The following RGS6 variants were observed in gnomAD, a reference collection of about 807,000 sequenced individuals.
RGS6 encodes regulator of G-protein signaling 6.
In RGS6, 30 loss-of-function variants were observed where a neutral mutation model predicts 78.5. That is an observed-to-expected ratio of 0.38 (90% CI 0.29 to 0.52). RGS6 has a LOEUF of 0.52. RGS6 is among the 20% of genes least tolerant of loss of function. RGS6 has a pLI of 0.85. For missense variants in RGS6, 495 were observed against 609.7 expected (o/e 0.81, Z 1.98); for synonymous variants, 206 against 206.0 (o/e 1.00, Z 0.00).
chr14:72,625,412 C>T, the RGS6 span, among the ~76,000 whole-genome samples: 16 of 152,044 alleles, frequency 1.1e-4, no homozygotes, highest in Admixed American at 7.9e-4. Context: ...GTCCTCTAGA[C>T]GCATGAAAAT....
chr14:71,975,077 C>T (rs1278127246), intron 2 of RGS6, among the ~76,000 whole-genome samples: 1 of 152,210 alleles, frequency 6.6e-6, no homozygotes, highest in African/African-American at 2.4e-5. Context: ...TCACTTGAGC[C>T]TGGGAGGTCA....
At chr14:72,232,119 T>A (rs1314063825) in intron 2 of RGS6, among the ~76,000 whole-genome samples, 1 of 152,116 alleles carries the variant, frequency 6.6e-6, no homozygotes, top group Admixed American at 6.5e-5. Context: ...CCATGCTAGG[T>A]ATGAGCATGA....
At chr14:72,500,120 C>T (rs1296556974) in intron 13 of RGS6, among the ~76,000 whole-genome samples, 1 of 152,202 alleles carries the variant, frequency 6.6e-6, no homozygotes, top group African/African-American at 2.4e-5. Context: ...AAAATGGGGT[C>T]GCATGGCCTA....
intron 2 of RGS6, among the ~76,000 whole-genome samples, chr14:72,112,480 G>A (rs1299575720): frequency 3.3e-5 from 5 of 152,150 alleles, no homozygotes; most frequent in Admixed American, 3.3e-4. Flanking sequence ...CCAAAGTTCA[G>A]GCTTTTAATT....
the RGS6 span, among the ~76,000 whole-genome samples, chr14:71,891,187 ATGAATTGGTCCT>A: frequency 6.6e-6 from 1 of 152,238 alleles, no homozygotes; most frequent in African/African-American, 2.4e-5. Context: ...CTGTAGGTCA[ATGAATTGGTCCT>A]TGTTCTGGTT....
the RGS6 span, among the ~76,000 whole-genome samples, chr14:71,907,226 G>C: frequency 6.6e-6 from 1 of 152,218 alleles, no homozygotes; most frequent in Non-Finnish European, 1.5e-5. Flanking sequence ...AATTGCAGCA[G>C]AGATAAGTGC....
At chr14:72,384,410 T>C (rs1161011927) in intron 3 of RGS6, among the ~76,000 whole-genome samples, 1 of 152,230 alleles carries the variant, frequency 6.6e-6, no homozygotes, top group Non-Finnish European at 1.5e-5. Flanking sequence ...ATGAAATGTA[T>C]GTTTTTTCCT....
chr14:72,086,809 C>A (rs2095058568), intron 2 of RGS6, among the ~76,000 whole-genome samples: 1 of 152,174 alleles, frequency 6.6e-6, no homozygotes, highest in Admixed American at 6.6e-5. Flanking sequence ...ATCTTGTGAA[C>A]TGGGTTCTAG....
At chr14:71,954,078 G>A (rs1044963923) in intron 1 of RGS6, among the ~76,000 whole-genome samples, 1 of 142,688 alleles carries the variant, frequency 7.0e-6, no homozygotes, top group Non-Finnish European at 1.5e-5. Flanking sequence ...AAGGAATCTG[G>A]CTTCTTTTAA....
At chr14:72,409,671 TCATTTAGCA>T (rs1351197713) in intron 3 of RGS6, among the ~76,000 whole-genome samples, 1 of 152,146 alleles carries the variant, frequency 6.6e-6, no homozygotes, top group Non-Finnish European at 1.5e-5. Context: ...CATTAACTCA[TCATTTAGCA>T]TTAGGTATAT....
At chr14:72,124,004 A>T (rs989176840) in intron 2 of RGS6, among the ~76,000 whole-genome samples, 11 of 152,186 alleles carry the variant, frequency 7.2e-5, no homozygotes, top group African/African-American at 2.7e-4. Context: ...GAGTATTCGA[A>T]GTCACAGTCT....
chr14:72,492,000 A>AAC, intron 12 of RGS6, among the ~76,000 whole-genome samples: 1 of 152,306 alleles, frequency 6.6e-6, no homozygotes, highest in South Asian at 2.1e-4. Context: ...ATACGCTCAG[A>AAC]TCTCAGACAC....
At chr14:72,512,687 T>G (rs572345626) in intron 14 of RGS6, among the ~76,000 whole-genome samples, 1 of 152,342 alleles carries the variant, frequency 6.6e-6, no homozygotes. Context: ...GATGCCCAAA[T>G]TCCATTTTTA....
rs373822489 is a variant in RGS6 at position 72,469,980 on chromosome 14, G to A, written c.460-27G>A. On this transcript the variant is annotated intron_variant, in intron 7 of 17. Coordinates refer to ENST00000553525, the MANE Select transcript of RGS6 (RefSeq NM_001204424.2). ...GTGCTAATTTACGATGATTAATGCCGCCTTGTTGATTTTCATTTCTCATTA... is the reference window on the plus strand; with the variant it reads ...GTGCTAATTTACGATGATTAATGCCACCTTGTTGATTTTCATTTCTCATTA... The A allele has an allele frequency of 6.2e-4, 957 of 1,544,870 alleles. 6 individuals carry two copies. Among genetic ancestry groups the A allele is most frequent in the Non-Finnish European group, 1.3e-4 (145 of 1,117,942 alleles).
the RGS6 span, among the ~76,000 whole-genome samples, chr14:72,604,222 G>C: frequency 1.9e-4 from 29 of 152,274 alleles, no homozygotes; most frequent in Non-Finnish European, 3.5e-4. Flanking sequence ...TACAGCCTGG[G>C]TTGCAGTGTT....
In RGS6 at chr14:72,440,625, C is replaced by G. The variant is rs574472674; in HGVS notation, c.185-13903C>G. On this transcript the variant is annotated intron_variant, in intron 3 of 17. Transcript: ENST00000553525. ...ACGGGGTTTCACCATGTTGGCCAGG[C>G]TGGTCTCAAACTCCTGACCTCAGGT... Among the ~76,000 whole-genome samples, 3 of 152,148 alleles carry G rather than the reference C, an allele frequency of 2.0e-5. No homozygotes were observed. In the South Asian group the frequency reaches 6.2e-4, roughly 32 times the overall value.
In RGS6 at chr14:72,414,393, C is replaced by T. The variant is rs150743668; in HGVS notation, c.185-40135C>T. On this transcript the variant is annotated intron_variant, in intron 3 of 17. Transcript: ENST00000553525. ...GCTTGTGCATTCGTCACATAGTTCTCGTGCCGTGGTTTTCAGCTCCATCAG... is the reference window on the plus strand; with the variant it reads ...GCTTGTGCATTCGTCACATAGTTCTTGTGCCGTGGTTTTCAGCTCCATCAG... 1.4e-3 allele frequency among the ~76,000 whole-genome samples: 213 copies of T among 152,350 alleles called. 2 individuals are homozygous for T. Among genetic ancestry groups the T allele is most frequent in the African/African-American group, 4.7e-3 (196 of 41,574 alleles).
chr14:71,986,198 G>A (rs530702019), intron 2 of RGS6, among the ~76,000 whole-genome samples: 1 of 152,032 alleles, frequency 6.6e-6, no homozygotes, highest in Non-Finnish European at 1.5e-5. Context: ...CTTCCATTTT[G>A]TGCCTCACTT....
At chr14:72,571,317 T>C (rs926303541), downstream of RGS6, among the ~76,000 whole-genome samples, 6 of 152,294 alleles carry the variant, frequency 3.9e-5, no homozygotes, top group Non-Finnish European at 5.9e-5. Flanking sequence ...CTCCTTGAAA[T>C]GTCCTTAGCC....
Sources: gnomAD v4.1 joint callset for allele counts (sites outside exome capture counted in the v4.1 genomes callset) on GRCh38, gnomAD v4.1.1 for gene constraint, MANE v1.5 for transcripts, NCBI Gene and HGNC (gene_info 2026-07-23, HGNC 2026-07-21) for gene names.